GRIN2A: variants seen among roughly 807,000 people sequenced by gnomAD.
GRIN2A encodes the protein glutamate ionotropic receptor NMDA type subunit 2A.
A neutral mutation model predicts 113.4 loss-of-function variants in GRIN2A; 22 were observed. The observed-to-expected ratio is 0.19, with a 90% CI of 0.14 to 0.28. GRIN2A has a LOEUF of 0.28. GRIN2A is among the 10% of genes least tolerant of loss of function. The pLI is 1.00. For synonymous variants in GRIN2A, 827 were observed against 738.4 expected (o/e 1.12, Z -1.94); for missense variants, 1,502 against 1,887.0 (o/e 0.80, Z 3.78).
intron 2 of GRIN2A, among the ~76,000 whole-genome samples, chr16:9,963,791 C>A (rs577296852): frequency 2.0e-5 from 3 of 152,304 alleles, no homozygotes; most frequent in South Asian, 2.1e-4. Flanking sequence ...TACTATATAG[C>A]TACTCTGTGC....
chr16:9,864,634 A>G (rs1450641403), intron 4 of GRIN2A, among the ~76,000 whole-genome samples: 1 of 152,176 alleles, frequency 6.6e-6, no homozygotes, highest in Non-Finnish European at 1.5e-5. Context: ...AGCCAATTCC[A>G]TTTGGATCTC....
At chr16:9,864,302 G>A (rs764008746) in intron 4 of GRIN2A, among the ~76,000 whole-genome samples, 1 of 152,098 alleles carries the variant, frequency 6.6e-6, no homozygotes, top group Non-Finnish European at 1.5e-5. Flanking sequence ...GGCTAAGAGA[G>A]GTAGACTGTG....
At chr16:10,118,315 A>T (rs185975981) in intron 2 of GRIN2A, among the ~76,000 whole-genome samples, 166 of 152,224 alleles carry the variant, frequency 1.1e-3, no homozygotes, top group Middle Eastern at 3.4e-3. Flanking sequence ...CCTGTCACTT[A>T]TATCTCTGGC....
chr16:9,842,854 C>T (rs1262648090), intron 5 of GRIN2A, among the ~76,000 whole-genome samples: 2 of 151,946 alleles, frequency 1.3e-5, no homozygotes, highest in Non-Finnish European at 2.9e-5. Flanking sequence ...TAGCTTCAAT[C>T]TGGGAGGTAG....
intron 2 of GRIN2A, among the ~76,000 whole-genome samples, chr16:10,036,209 T>C (rs1414009213): frequency 6.6e-6 from 1 of 152,200 alleles, no homozygotes; most frequent in African/African-American, 2.4e-5. Flanking sequence ...ATTAGTTCTC[T>C]AGAACTGCTG....
chr16:9,838,921 G>T (rs953507811), intron 7 of GRIN2A, among the ~76,000 whole-genome samples: 4 of 152,168 alleles, frequency 2.6e-5, no homozygotes, highest in Admixed American at 6.5e-5. Context: ...GAGAGGATGG[G>T]AGGGAGATGA....
chr16:9,943,550 A>G (rs1324094435), intron 2 of GRIN2A, among the ~76,000 whole-genome samples: 1 of 152,158 alleles, frequency 6.6e-6, no homozygotes, highest in Non-Finnish European at 1.5e-5. Context: ...CCATTTACCC[A>G]TTCATAAAGG....
intron 2 of GRIN2A, among the ~76,000 whole-genome samples, chr16:10,093,814 C>T (rs894564427): frequency 6.6e-5 from 10 of 152,216 alleles, no homozygotes; most frequent in Middle Eastern, 3.4e-3. Flanking sequence ...GTGAGGGAGA[C>T]GTGCCAGTGT....
chr16:9,786,672 C>T (rs1902248411), intron 11 of GRIN2A, among the ~76,000 whole-genome samples: 1 of 152,152 alleles, frequency 6.6e-6, no homozygotes, highest in Admixed American at 6.5e-5. Context: ...GAAGTAACAT[C>T]ATGTAAAGAT....
At chr16:9,812,258 G>C (rs1208532011) in intron 10 of GRIN2A, among the ~76,000 whole-genome samples, 1 of 152,148 alleles carries the variant, frequency 6.6e-6, no homozygotes, top group African/African-American at 2.4e-5. Flanking sequence ...TTGTCATGAT[G>C]TTTAAATTAG....
At chr16:9,792,362 A>T (rs1452663161) in intron 11 of GRIN2A, among the ~76,000 whole-genome samples, 1 of 152,124 alleles carries the variant, frequency 6.6e-6, no homozygotes, top group East Asian at 1.9e-4. Context: ...AGGTGGGCCT[A>T]CAAGCATGTA....
At chr16:9,802,768 A>G (rs1401510143) in intron 10 of GRIN2A, among the ~76,000 whole-genome samples, 1 of 152,148 alleles carries the variant, frequency 6.6e-6, no homozygotes, top group Non-Finnish European at 1.5e-5. Context: ...ACCATCTACT[A>G]TGGATATCGA....
intron 4 of GRIN2A, among the ~76,000 whole-genome samples, chr16:9,867,878 G>C (rs1206010203): frequency 6.6e-6 from 1 of 151,880 alleles, no homozygotes; most frequent in African/African-American, 2.4e-5. Flanking sequence ...TCTCTTGACA[G>C]CCCCTGATCT....
intron 2 of GRIN2A, among the ~76,000 whole-genome samples, chr16:9,943,943 G>T (rs1000416200): frequency 6.6e-6 from 1 of 152,168 alleles, no homozygotes; most frequent in African/African-American, 2.4e-5. Flanking sequence ...TTGAGAAGTA[G>T]GTATTCAAGT....
intron 2 of GRIN2A, among the ~76,000 whole-genome samples, chr16:10,108,399 G>A (rs1444075285): frequency 3.3e-5 from 5 of 152,176 alleles, no homozygotes; most frequent in Non-Finnish European, 5.9e-5. Context: ...ACAACATGTG[G>A]GAATTGTGGG....
At chr16:9,852,568 T>C (rs953492846) in intron 4 of GRIN2A, among the ~76,000 whole-genome samples, 1 of 152,158 alleles carries the variant, frequency 6.6e-6, no homozygotes, top group Admixed American at 6.5e-5. Flanking sequence ...CAAGTATCCA[T>C]GGGTCAGCCA....
intron 2 of GRIN2A, among the ~76,000 whole-genome samples, chr16:10,156,052 G>A (rs1001145001): frequency 7.9e-5 from 12 of 152,208 alleles, no homozygotes; most frequent in Admixed American, 3.3e-4. Flanking sequence ...GACCCTGGAC[G>A]ATGAAAAGGG....
chr16:9,937,003 A>G (rs2044727128), intron 3 of GRIN2A, among the ~76,000 whole-genome samples: 1 of 152,204 alleles, frequency 6.6e-6, no homozygotes, highest in Admixed American at 6.5e-5. Flanking sequence ...TCAACCCTAG[A>G]AAAAACACTT....
At chr16:10,154,337 T>C (rs1049998186) in intron 2 of GRIN2A, among the ~76,000 whole-genome samples, 39 of 152,178 alleles carry the variant, frequency 2.6e-4, no homozygotes, top group African/African-American at 8.4e-4. Flanking sequence ...CAGGGCCTCA[T>C]CCATCCTAGC....
Sources: allele counts gnomAD v4.1 joint callset (sites outside exome capture counted in the v4.1 genomes callset), GRCh38; gene constraint gnomAD v4.1.1; transcripts MANE v1.5; gene names NCBI Gene and HGNC (gene_info 2026-07-23, HGNC 2026-07-21).